SH2D4B: variants seen among roughly 807,000 people sequenced by gnomAD.
SH2D4B encodes SH2 domain-containing protein 4B.
In SH2D4B, 45 loss-of-function variants were observed where a neutral mutation model predicts 61.5. The observed-to-expected ratio is 0.73, with a 90% confidence interval of 0.58 to 0.94. The LOEUF is 0.94. Among genes scored for constraint, SH2D4B ranks in the 40% least tolerant of loss-of-function variants. The probability of loss-of-function intolerance (pLI) is 0.00; values close to 1 mark genes in which losing one functional copy is unlikely to be tolerated. For missense variants in SH2D4B, 572 were observed against 574.2 expected, an observed-to-expected ratio of 1.00 and a Z score of 0.04; for synonymous variants, 224 against 220.4, an observed-to-expected ratio of 1.02 and a Z score of -0.14.
intron 7 of SH2D4B, among the ~76,000 whole-genome samples, chr10:80,638,726 T>C (rs906549312): frequency 6.6e-6 from 1 of 152,232 alleles, no homozygotes; most frequent in Non-Finnish European, 1.5e-5. Context: ...GTCGATCTTT[T>C]CAAAAAACCA....
intron 3 of SH2D4B, among the ~76,000 whole-genome samples, chr10:80,587,163 T>G (rs962166226): frequency 7.6e-6 from 1 of 132,062 alleles, no homozygotes; most frequent in Non-Finnish European, 1.6e-5. Flanking sequence ...TTTTTTTTTT[T>G]TTTTTGGAGA....
chr10:80,568,645 A>G (rs1177504930), intron 1 of SH2D4B, among the ~76,000 whole-genome samples: 1 of 152,226 alleles, frequency 6.6e-6, no homozygotes, highest in Non-Finnish European at 1.5e-5. Context: ...GTGCTCTGTC[A>G]TACAAAACCT....
intron 6 of SH2D4B, among the ~76,000 whole-genome samples, chr10:80,626,418 G>T (rs77749987): frequency 0.032 from 4,857 of 152,188 alleles, 281 homozygotes; most frequent in African/African-American, 0.11. Context: ...AAAGAAGAAT[G>T]GAATATCTTT....
At chr10:80,544,709 C>T (rs1168180052) in intron 1 of SH2D4B, among the ~76,000 whole-genome samples, 1 of 152,246 alleles carries the variant, frequency 6.6e-6, no homozygotes, top group African/African-American at 2.4e-5. Context: ...GATCTCAGTG[C>T]AGTCCCTGCC....
At chr10:80,588,834 C>T (rs1388883263) in intron 4 of SH2D4B, 57 bp downstream of exon 4, 1 of 1,599,466 alleles carries the variant, frequency 6.3e-7, no homozygotes, top group South Asian at 1.1e-5. Flanking sequence ...CACCCACCTC[C>T]TCCCAATGCT....
intron 1 of SH2D4B, among the ~76,000 whole-genome samples, chr10:80,562,410 TAA>T (rs1841911772): frequency 6.6e-6 from 1 of 152,254 alleles, no homozygotes; most frequent in Non-Finnish European, 1.5e-5. Context: ...TGACATTATT[TAA>T]AAGACTGACT....
At chr10:80,568,091 C>CA (rs1428869475) in intron 1 of SH2D4B, among the ~76,000 whole-genome samples, 1 of 145,142 alleles carries the variant, frequency 6.9e-6, no homozygotes, top group Non-Finnish European at 1.5e-5. Context: ...AGAGATCACA[C>CA]TTTTTTTTTT....
chr10:80,624,476 T>C (rs12261924), intron 6 of SH2D4B, among the ~76,000 whole-genome samples: 26,559 of 152,198 alleles, frequency 0.17, 2,745 homozygotes, highest in Admixed American at 0.28. Context: ...TATGTTCAGA[T>C]CTCTAAGTAT....
chr10:80,577,687 A>G (rs1177516410), intron 3 of SH2D4B, among the ~76,000 whole-genome samples: 2 of 151,554 alleles, frequency 1.3e-5, no homozygotes, highest in African/African-American at 4.9e-5. Context: ...CAGCCTCCCA[A>G]AGCGCCGGGA....
chr10:80,546,320 T>C (rs770145302), intron 1 of SH2D4B, among the ~76,000 whole-genome samples: 13 of 152,172 alleles, frequency 8.5e-5, no homozygotes, highest in Non-Finnish European at 1.9e-4. Flanking sequence ...AGTGCTGGGA[T>C]TATAGGTGTG....
chr10:80,635,370 C>T (rs190618364), intron 7 of SH2D4B, among the ~76,000 whole-genome samples: 33 of 152,294 alleles, frequency 2.2e-4, no homozygotes, highest in African/African-American at 7.5e-4. Context: ...GTGGTAGCTC[C>T]GGCGTCCGAC....
At chr10:80,579,009 G>A (rs530902002) in intron 3 of SH2D4B, among the ~76,000 whole-genome samples, 11 of 152,198 alleles carry the variant, frequency 7.2e-5, no homozygotes, top group Admixed American at 1.3e-4. Context: ...ACCATGGGGA[G>A]CTGGGGAGGG....
intron 6 of SH2D4B, among the ~76,000 whole-genome samples, chr10:80,614,894 C>A (rs1174630293): frequency 1.3e-5 from 2 of 152,244 alleles, no homozygotes; most frequent in Admixed American, 6.5e-5. Flanking sequence ...TTGCTCATTT[C>A]TCCGTTGATG....
At chr10:80,546,189 C>T (rs921325198) in intron 1 of SH2D4B, among the ~76,000 whole-genome samples, 7 of 150,402 alleles carry the variant, frequency 4.7e-5, no homozygotes, top group African/African-American at 9.9e-5. Context: ...GGACTACAGG[C>T]GTGTGCCACC....
At chr10:80,544,928 T>C (rs1841650376) in intron 1 of SH2D4B, among the ~76,000 whole-genome samples, 1 of 152,200 alleles carries the variant, frequency 6.6e-6, no homozygotes, top group Non-Finnish European at 1.5e-5. Flanking sequence ...CAGATCCTCA[T>C]GAGGCTCTTC....
intron 6 of SH2D4B, among the ~76,000 whole-genome samples, chr10:80,625,676 G>A (rs12269318): frequency 0.03 from 4,603 of 151,092 alleles, 256 homozygotes; most frequent in African/African-American, 0.11. Flanking sequence ...GGGTTCAAGC[G>A]ATTCTCCTGC....
At chr10:80,626,029 C>T (rs1842764320) in intron 6 of SH2D4B, among the ~76,000 whole-genome samples, 1 of 152,166 alleles carries the variant, frequency 6.6e-6, no homozygotes, top group Non-Finnish European at 1.5e-5. Context: ...ATTATAGTTC[C>T]ATCTTTTTCA....
chr10:80,582,447 T>C (rs1842193311), intron 3 of SH2D4B, among the ~76,000 whole-genome samples: 1 of 152,240 alleles, frequency 6.6e-6, no homozygotes, highest in Admixed American at 6.5e-5. Flanking sequence ...CTAAAAATAC[T>C]GTGCTGGCAA....
At chr10:80,586,200 G>A (rs1589345914) in intron 3 of SH2D4B, among the ~76,000 whole-genome samples, 1 of 152,116 alleles carries the variant, frequency 6.6e-6, no homozygotes, top group Admixed American at 6.5e-5. Flanking sequence ...CACGACGAGC[G>A]CCGCCCCCTG....
Sources: gnomAD v4.1 joint callset for allele counts (sites outside exome capture counted in the v4.1 genomes callset) on GRCh38, gnomAD v4.1.1 for gene constraint, MANE v1.5 for transcripts, NCBI Gene and HGNC (gene_info 2026-07-23, HGNC 2026-07-21) for gene names.